The following ENSA variants were observed in gnomAD, a reference collection of about 807,000 sequenced individuals.
The protein encoded by ENSA is alpha-endosulfine.
In ENSA, 7 loss-of-function variants were observed where a neutral mutation model predicts 16.8. That is an observed-to-expected ratio of 0.42 (90% CI 0.24 to 0.78). The LOEUF is 0.78. ENSA is among the 30% of genes least tolerant of loss of function. The pLI is 0.29. For missense variants in ENSA, 87 were observed against 142.3 expected, an observed-to-expected ratio of 0.61 and a Z score of 1.98; for synonymous variants, 58 against 53.4, an observed-to-expected ratio of 1.09 and a Z score of -0.37.
chr1:150,628,882 T>C (rs905847666), intron 1 of ENSA: 7 of 636,150 alleles, frequency 1.1e-5, no homozygotes, highest in South Asian at 1.9e-5. Flanking sequence ...AGGTGAGCAA[T>C]AGACCATCCT....
intron 3 of ENSA, chr1:150,624,884 G>A: frequency 1.0e-6 from 1 of 969,478 alleles, no homozygotes; most frequent in Non-Finnish European, 1.2e-6. Flanking sequence ...ACTTAATCAA[G>A]GTTATACAAC....
intron 1 of ENSA, among the ~76,000 whole-genome samples, chr1:150,628,472 G>A (rs1040517736): frequency 6.6e-6 from 1 of 151,644 alleles, no homozygotes; most frequent in Non-Finnish European, 1.5e-5. Flanking sequence ...TGGTGGTGCA[G>A]GGACTCTCAC....
chr1:150,624,089 C>G (rs770152443), intron 3 of ENSA: 74 of 985,308 alleles, frequency 7.5e-5, no homozygotes, highest in Non-Finnish European at 8.1e-5. Context: ...TCTGTCATAA[C>G]TAGCAAGTTG....
intron 2 of ENSA, among the ~76,000 whole-genome samples, 176 bp from the exon 3 acceptor site, chr1:150,625,984 T>A (rs1471203803): frequency 6.6e-6 from 1 of 152,206 alleles, no homozygotes; most frequent in East Asian, 1.9e-4. Flanking sequence ...ACTTATGTCT[T>A]CTCCCCAGTG....
chr1:150,626,205 GATA>G (rs1367570575), intron 2 of ENSA, among the ~76,000 whole-genome samples: 1 of 152,190 alleles, frequency 6.6e-6, no homozygotes, highest in Non-Finnish European at 1.5e-5. Flanking sequence ...TATAGAGAAG[GATA>G]AATATGGGGC....
chr1:150,625,514 C>G, intron 3 of ENSA, 128 bp downstream of exon 3: 1 of 1,419,708 alleles, frequency 7.0e-7, no homozygotes, highest in East Asian at 2.6e-5. Flanking sequence ...TCAGCAGCCC[C>G]CAGCAGAATC....
downstream of ENSA, chr1:150,621,752 GAAAT>G (rs1345250326): frequency 2.0e-5 from 3 of 152,128 alleles, no homozygotes; most frequent in African/African-American, 7.2e-5. Context: ...TTATTACAAA[GAAAT>G]AATATATTTC....
At chr1:150,626,350 T>C in intron 2 of ENSA, 4 of 803,200 alleles carry the variant, frequency 5.0e-6, no homozygotes, top group South Asian at 3.1e-5. Context: ...CTCCCACACA[T>C]GTTCCATGAC....
At position 150,626,507 on chromosome 1, in the gene ENSA, C is replaced by T. The variant is rs1453873275; in HGVS notation, c.184-699G>A. The T allele has an allele frequency of 6.8e-6, 11 of 1,613,818 alleles. No individual in the cohort carries two copies. The East Asian group carries it at 2.5e-4, about 36-fold the overall frequency. Reference sequence around the variant, plus strand: ...TTCATCCGCACAGAGAAGCACACTCCAATGTAATGATTTATAATCCTACAG... The same window carrying T: ...TTCATCCGCACAGAGAAGCACACTCTAATGTAATGATTTATAATCCTACAG... On this transcript the variant is annotated intron_variant, in intron 2 of 3. Coordinates refer to ENST00000369014, the MANE Select transcript of ENSA (RefSeq NM_004436.4).
intron 2 of ENSA, chr1:150,627,238 C>G (rs587710033): frequency 4.6e-6 from 7 of 1,520,156 alleles, no homozygotes; most frequent in Non-Finnish European, 6.2e-6. Context: ...CCCACACACC[C>G]AAATGCTCCA....
At chr1:150,628,958 T>C in intron 1 of ENSA, 1 of 1,234,820 alleles carries the variant, frequency 8.1e-7, no homozygotes, top group African/African-American at 1.5e-5. Context: ...TAACTACACT[T>C]CTCCCCTCCC....
At chr1:150,629,230 A>G (rs898413775) in intron 1 of ENSA, 184 bp downstream of exon 1, 8 of 1,546,982 alleles carry the variant, frequency 5.2e-6, no homozygotes, top group African/African-American at 4.1e-5. Flanking sequence ...GTACTGAGTG[A>G]CAAACGACCC....
intron 2 of ENSA, chr1:150,626,620 G>A (rs1194338271): frequency 3.3e-5 from 30 of 900,624 alleles, no homozygotes; most frequent in Admixed American, 1.5e-4. Context: ...GCAGTGGCAC[G>A]ATCTCGGCTC....
intron 3 of ENSA, chr1:150,624,603 A>G (rs1220051343): frequency 1.0e-6 from 1 of 985,622 alleles, no homozygotes; most frequent in Admixed American, 6.2e-5. Flanking sequence ...CAAGACTGTG[A>G]TATCTATAAG....
chr1:150,626,765 C>T (rs923148731), intron 2 of ENSA, among the ~76,000 whole-genome samples: 2 of 152,112 alleles, frequency 1.3e-5, no homozygotes, highest in African/African-American at 4.8e-5. Context: ...ACTATGGTCT[C>T]GATCTCCTGA....
At chr1:150,629,268 G>T (rs1227508337) in intron 1 of ENSA, 146 bp downstream of exon 1, 18 of 1,500,372 alleles carry the variant, frequency 1.2e-5, no homozygotes, top group African/African-American at 2.8e-5. Context: ...GCAGCATGTC[G>T]TGTTGAAGCT....
Position 150,623,038 on chromosome 1 carries a change from A to C in ENSA, c.351-179T>G, listed in dbSNP as rs587738658. ...AGTTGCAAAAAAAATCAAAAAATAG[A>C]ATTTCAGTCTTTTCCTATCCACGAA... On this transcript the variant is annotated intron_variant, in intron 3 of 3. Transcript: ENST00000369014. 4.9e-4 allele frequency among the ~76,000 whole-genome samples: 74 copies of C among 152,296 alleles called. 1 individual carries two copies. The highest frequency in any genetic ancestry group is 2.1e-3 in the South Asian group (10 of 4,828).
At chr1:150,624,360 G>A in intron 3 of ENSA, 2 of 985,866 alleles carry the variant, frequency 2.0e-6, no homozygotes, top group Non-Finnish European at 2.4e-6. Flanking sequence ...CAGCCCCAGG[G>A]GCTAGCTCAG....
chr1:150,628,906 AG>A (rs1649538811), intron 1 of ENSA: 1 of 709,188 alleles, frequency 1.4e-6, no homozygotes, highest in Non-Finnish European at 2.4e-6. Context: ...CTACTAAAAT[AG>A]GTCTCTTGAG....
Sources: allele counts gnomAD v4.1 joint callset (sites outside exome capture counted in the v4.1 genomes callset), GRCh38; gene constraint gnomAD v4.1.1; transcripts MANE v1.5; gene names NCBI Gene and HGNC (gene_info 2026-07-23, HGNC 2026-07-21).